Variants in RHEB observed in about 807,000 individuals in gnomAD.
RHEB encodes the protein Ras homolog, mTORC1 binding, also known as GTP-binding protein Rheb.
RHEB carries 2 observed loss-of-function variants against 28.8 expected under a neutral mutation model. The observed-to-expected ratio is 0.07, with a 90% CI of 0.03 to 0.22. The LOEUF (loss-of-function observed/expected upper bound fraction) is 0.22, where lower values mean the gene tolerates loss of function less well. Ranked by LOEUF, RHEB falls within the 10% of genes least tolerant of loss-of-function variation. The pLI, the probability that RHEB is intolerant of heterozygous loss-of-function variation, is 1.00. For missense variants in RHEB, 76 were observed against 219.9 expected, an observed-to-expected ratio of 0.35 and a Z score of 4.14; for synonymous variants, 69 against 77.3, an observed-to-expected ratio of 0.89 and a Z score of 0.56.
At chr7:151,490,079 G>C (rs1194607626) in intron 2 of RHEB, among the ~76,000 whole-genome samples, 1 of 152,178 alleles carries the variant, frequency 6.6e-6, no homozygotes, top group African/African-American at 2.4e-5. Context: ...GGCCCACCTG[G>C]GGTTCTAAGC....
chr7:151,514,190 C>T (rs1803037077), intron 1 of RHEB, among the ~76,000 whole-genome samples: 1 of 152,112 alleles, frequency 6.6e-6, no homozygotes, highest in African/African-American at 2.4e-5. Context: ...GTATAAAGTT[C>T]TATCCCTCCC....
intron 1 of RHEB, among the ~76,000 whole-genome samples, chr7:151,513,257 T>C (rs1803022544): frequency 6.6e-6 from 1 of 152,230 alleles, no homozygotes; most frequent in Non-Finnish European, 1.5e-5. Context: ...ATGCCTTTTT[T>C]ACTTGCAAGA....
chr7:151,493,252 C>T (rs1802616942), intron 1 of RHEB, among the ~76,000 whole-genome samples: 1 of 152,110 alleles, frequency 6.6e-6, no homozygotes, highest in Non-Finnish European at 1.5e-5. Flanking sequence ...AGGCTCCAGT[C>T]ACATCCCTTC....
intron 1 of RHEB, among the ~76,000 whole-genome samples, chr7:151,513,249 G>A (rs576394864): frequency 6.6e-6 from 1 of 152,184 alleles, no homozygotes; most frequent in East Asian, 1.9e-4. Context: ...ATCATGGAAT[G>A]CCTTTTTTAC....
chr7:151,512,448 A>T (rs1199903576), intron 1 of RHEB, among the ~76,000 whole-genome samples: 1 of 152,162 alleles, frequency 6.6e-6, no homozygotes, highest in African/African-American at 2.4e-5. Flanking sequence ...TGCAATTTTC[A>T]CTACTCTCTG....
At chr7:151,497,634 T>C (rs1802697473) in intron 1 of RHEB, among the ~76,000 whole-genome samples, 1 of 152,202 alleles carries the variant, frequency 6.6e-6, no homozygotes, top group African/African-American at 2.4e-5. Context: ...CGCTATCCTC[T>C]ATTCACCCAG....
At chr7:151,481,354 C>T (rs1802379320) in intron 3 of RHEB, among the ~76,000 whole-genome samples, 1 of 152,180 alleles carries the variant, frequency 6.6e-6, no homozygotes, top group South Asian at 2.1e-4. Context: ...AACTTGCTAA[C>T]AAATACCGCT....
At chr7:151,480,109 C>G (rs955877387) in intron 3 of RHEB, among the ~76,000 whole-genome samples, 1 of 152,132 alleles carries the variant, frequency 6.6e-6, no homozygotes, top group African/African-American at 2.4e-5. Context: ...TAGACACTCT[C>G]ATTCACTGCT....
intron 1 of RHEB, chr7:151,502,792 C>T: frequency 7.0e-7 from 1 of 1,421,900 alleles, no homozygotes; most frequent in Admixed American, 1.7e-5. Context: ...GCAGAGACTG[C>T]TGTGCAGCTA....
chr7:151,492,826 T>A (rs1802607921), intron 1 of RHEB, among the ~76,000 whole-genome samples: 1 of 148,768 alleles, frequency 6.7e-6, no homozygotes, highest in African/African-American at 2.5e-5. Context: ...GCAATTAGAA[T>A]AAATTCTCAA....
At chr7:151,470,475 G>A in intron 7 of RHEB, 96 bp downstream of exon 7, 2 of 754,316 alleles carry the variant, frequency 2.7e-6, no homozygotes, top group Non-Finnish European at 4.6e-6. Context: ...TGTTACACAG[G>A]AGTGATCAAG....
At chr7:151,490,766 C>T (rs1185587462) in intron 2 of RHEB, among the ~76,000 whole-genome samples, 177 bp downstream of exon 2, 5 of 152,154 alleles carry the variant, frequency 3.3e-5, no homozygotes, top group Non-Finnish European at 7.3e-5. Context: ...GGGATGCAGA[C>T]ATGGAAGGAA....
chr7:151,487,052 A>C (rs887172263), intron 2 of RHEB, among the ~76,000 whole-genome samples: 3 of 152,200 alleles, frequency 2.0e-5, no homozygotes, highest in Non-Finnish European at 4.4e-5. Flanking sequence ...TATGCCTGTA[A>C]TCCCACTTTG....
At chr7:151,467,711 A>G (rs773064540) in intron 7 of RHEB, among the ~76,000 whole-genome samples, 8 of 151,968 alleles carry the variant, frequency 5.3e-5, no homozygotes, top group Non-Finnish European at 1.2e-4. Flanking sequence ...CTGTGGCGTA[A>G]TTCTCGGTCA....
At chr7:151,504,782 C>T (rs1049323336) in intron 1 of RHEB, among the ~76,000 whole-genome samples, 54 of 151,732 alleles carry the variant, frequency 3.6e-4, no homozygotes, top group African/African-American at 1.1e-3. Flanking sequence ...AGGCACAGGG[C>T]GCTTTTTGGG....
At chr7:151,473,505 A>G (rs943288558) in intron 4 of RHEB, among the ~76,000 whole-genome samples, 21 of 152,354 alleles carry the variant, frequency 1.4e-4, no homozygotes, top group African/African-American at 5.0e-4. Flanking sequence ...ATAAATGTGT[A>G]CTGTTCTAAG....
intron 1 of RHEB, among the ~76,000 whole-genome samples, chr7:151,501,540 T>C (rs1178476825): frequency 6.6e-6 from 1 of 152,208 alleles, no homozygotes; most frequent in Non-Finnish European, 1.5e-5. Context: ...GTTCAGCAGC[T>C]TCTGAAAAGC....
At chr7:151,498,166 C>T in intron 1 of RHEB, 3 of 1,289,640 alleles carry the variant, frequency 2.3e-6, no homozygotes, top group Non-Finnish European at 3.0e-6. Flanking sequence ...GTGCGTAGGT[C>T]CTGGCTTGAG....
At chr7:151,495,856 T>C (rs1437430821) in intron 1 of RHEB, among the ~76,000 whole-genome samples, 1 of 152,184 alleles carries the variant, frequency 6.6e-6, no homozygotes, top group Non-Finnish European at 1.5e-5. Context: ...AAGAAGCTGA[T>C]GTAGGAGGAT....
Sources: allele counts gnomAD v4.1 joint callset (sites outside exome capture counted in the v4.1 genomes callset), GRCh38; gene constraint gnomAD v4.1.1; transcripts MANE v1.5; gene names NCBI Gene and HGNC (gene_info 2026-07-23, HGNC 2026-07-21).